PLAAT1: variants seen among roughly 807,000 people sequenced by gnomAD.
PLAAT1 encodes H-REV107 protein-related protein.
PLAAT1 carries 13 observed loss-of-function variants against 16.4 expected under a neutral mutation model. The ratio of observed to expected loss-of-function variants is 0.79; its 90% CI spans 0.52 to 1.26. The LOEUF is 1.26. Among genes scored for constraint, PLAAT1 ranks in the 50% most tolerant of loss-of-function variants. The probability of loss-of-function intolerance (pLI) is 0.00; values close to 1 mark genes in which losing one functional copy is unlikely to be tolerated. For synonymous variants in PLAAT1, 73 were observed against 78.4 expected (o/e 0.93, Z 0.36); for missense variants, 218 against 207.8 (o/e 1.05, Z -0.30).
intron 3 of PLAAT1, among the ~76,000 whole-genome samples, chr3:193,267,037 G>GA (rs1262425932): frequency 1.3e-5 from 2 of 151,674 alleles, no homozygotes; most frequent in African/African-American, 2.4e-5. Context: ...TTCTGTATTT[G>GA]AAAAAAATAA....
intron 1 of PLAAT1, among the ~76,000 whole-genome samples, chr3:193,242,065 C>T (rs367845690): frequency 9.2e-5 from 14 of 151,890 alleles, no homozygotes; most frequent in African/African-American, 3.4e-4. Flanking sequence ...CTTTGAATGC[C>T]GCCCAACACA....
chr3:193,242,428 G>A (rs1325832244), intron 1 of PLAAT1, among the ~76,000 whole-genome samples: 2 of 152,080 alleles, frequency 1.3e-5, no homozygotes, highest in East Asian at 1.9e-4. Flanking sequence ...GCATCGACTT[G>A]GATTTTTTAA....
upstream of PLAAT1, chr3:193,241,084 C>T (rs921570383): frequency 8.8e-5 from 56 of 635,114 alleles, no homozygotes; most frequent in Non-Finnish European, 1.1e-4. Context: ...CGCGCGGAGG[C>T]GGCTGCGTCG....
chr3:193,259,655 A>G (rs1716511862), intron 2 of PLAAT1, among the ~76,000 whole-genome samples: 1 of 152,216 alleles, frequency 6.6e-6, no homozygotes, highest in African/African-American at 2.4e-5. Context: ...ATACCTAGGA[A>G]TACATCCAAC....
At chr3:193,249,287 G>T (rs1486746864) in intron 1 of PLAAT1, among the ~76,000 whole-genome samples, 1 of 151,944 alleles carries the variant, frequency 6.6e-6, no homozygotes, top group Non-Finnish European at 1.5e-5. Context: ...GATTTGGTTT[G>T]CCTTGGATTC....
chr3:193,265,345 C>T (rs978774365), intron 3 of PLAAT1, among the ~76,000 whole-genome samples: 8 of 152,076 alleles, frequency 5.3e-5, no homozygotes, highest in Admixed American at 2.0e-4. Context: ...CAGTATGGAC[C>T]TTGAAAACAT....
intron 3 of PLAAT1, among the ~76,000 whole-genome samples, chr3:193,267,155 T>C (rs1374685944): frequency 2.0e-5 from 3 of 152,194 alleles, no homozygotes; most frequent in East Asian, 3.8e-4. Context: ...TTCATCAATA[T>C]GTCACATCAT....
downstream of PLAAT1, among the ~76,000 whole-genome samples, chr3:193,273,981 C>T (rs1230562071): frequency 3.3e-5 from 5 of 152,090 alleles, no homozygotes; most frequent in African/African-American, 1.2e-4. Flanking sequence ...CAGTGGCTCA[C>T]GTGTGTAATC....
chr3:193,270,071 C>T (rs62287603), intron 3 of PLAAT1, among the ~76,000 whole-genome samples: 650 of 45,548 alleles, frequency 0.014, 6 homozygotes, highest in African/African-American at 0.073. Flanking sequence ...ATCCCTGAAA[C>T]ACACACACAC....
intron 3 of PLAAT1, among the ~76,000 whole-genome samples, chr3:193,267,862 C>T (rs1267545084): frequency 2.0e-5 from 3 of 152,166 alleles, no homozygotes; most frequent in Admixed American, 6.5e-5. Context: ...CACATCCTTG[C>T]CAGCATTTGA....
intron 2 of PLAAT1, 150 bp from the exon 3 acceptor site, chr3:193,262,820 A>T: frequency 1.3e-6 from 1 of 741,906 alleles, no homozygotes; most frequent in Non-Finnish European, 2.3e-6. Flanking sequence ...ATAACTGCTT[A>T]AGGCTGATGA....
chr3:193,257,834 A>G (rs1716435136), intron 2 of PLAAT1, among the ~76,000 whole-genome samples: 1 of 152,166 alleles, frequency 6.6e-6, no homozygotes, highest in Admixed American at 6.5e-5. Flanking sequence ...TACACTGGCT[A>G]AGTCTTCTGG....
chr3:193,273,595 T>C (rs1189439060), downstream of PLAAT1, among the ~76,000 whole-genome samples: 1 of 152,230 alleles, frequency 6.6e-6, no homozygotes, highest in Non-Finnish European at 1.5e-5. Context: ...ACTCATGTAA[T>C]GAAACTGGTT....
downstream of PLAAT1, among the ~76,000 whole-genome samples, chr3:193,272,855 T>A (rs555732705): frequency 6.6e-6 from 1 of 152,362 alleles, no homozygotes; most frequent in African/African-American, 2.4e-5. Flanking sequence ...AACTGGTTAC[T>A]CTTGATGATG....
intron 3 of PLAAT1, among the ~76,000 whole-genome samples, chr3:193,266,868 T>C (rs529541381): frequency 1.3e-5 from 2 of 152,234 alleles, no homozygotes; most frequent in African/African-American, 2.4e-5. Context: ...ATAGCTAATA[T>C]TAGATTAGTT....
intron 2 of PLAAT1, 112 bp downstream of exon 2, chr3:193,255,901 C>A: frequency 9.9e-7 from 1 of 1,005,184 alleles, no homozygotes. Flanking sequence ...ATATAGAAAG[C>A]AGATAAATCC....
At chr3:193,257,616 AGTG>A (rs1400480967) in intron 2 of PLAAT1, among the ~76,000 whole-genome samples, 1 of 152,172 alleles carries the variant, frequency 6.6e-6, no homozygotes, top group Non-Finnish European at 1.5e-5. Flanking sequence ...AATATCGATG[AGTG>A]ATGCTTAATA....
chr3:193,276,841 A>G (rs1198686434), intron 2 of PLAAT1: 5 of 1,600,524 alleles, frequency 3.1e-6, no homozygotes, highest in Non-Finnish European at 4.3e-6. Context: ...CTGTTGAAAA[A>G]CAAATACCAT....
upstream of PLAAT1, among the ~76,000 whole-genome samples, chr3:193,240,654 C>CGT (rs370008875): frequency 0.13 from 11,184 of 88,378 alleles, 779 homozygotes; most frequent in Non-Finnish European, 0.16. Flanking sequence ...GGCTATCTGG[C>CGT]GTGTGTGTGT....
Sources: allele counts gnomAD v4.1 joint callset (sites outside exome capture counted in the v4.1 genomes callset), GRCh38; gene constraint gnomAD v4.1.1; transcripts MANE v1.5; gene names NCBI Gene and HGNC (gene_info 2026-07-23, HGNC 2026-07-21).